The following ARHGAP22 variants were observed in gnomAD, a reference collection of about 807,000 sequenced individuals.
ARHGAP22 encodes rho GTPase-activating protein 22.
A neutral mutation model predicts 59.1 loss-of-function variants in ARHGAP22; 48 were observed. The observed-to-expected ratio is 0.81, with a 90% CI of 0.64 to 1.03. The LOEUF is 1.03. ARHGAP22 is among the 50% of genes least tolerant of loss of function. The pLI is 0.00. For missense variants in ARHGAP22, 1,015 were observed against 958.7 expected, an observed-to-expected ratio of 1.06 and a Z score of -0.78; for synonymous variants, 445 against 416.4, an observed-to-expected ratio of 1.07 and a Z score of -0.84.
intron 9 of ARHGAP22, among the ~76,000 whole-genome samples, chr10:48,447,477 C>G (rs943407000): frequency 2.0e-5 from 3 of 152,208 alleles, no homozygotes; most frequent in African/African-American, 4.8e-5. Context: ...AGCACAGCAC[C>G]TGGTACGTGG....
Position 48,574,331 on chromosome 10 carries a change from T to C in ARHGAP22, c.234+8622A>G, listed in dbSNP as rs771752782. 2.6e-5 allele frequency among the ~76,000 whole-genome samples: 4 copies of C among 152,154 alleles called. No individual in the cohort carries two copies. In the South Asian group the frequency reaches 6.2e-4, roughly 24 times the overall value. On this transcript the variant is annotated intron_variant, in intron 2 of 9. Coordinates refer to ENST00000249601, the MANE Select transcript of ARHGAP22 (RefSeq NM_021226.4). Reference sequence around the variant, plus strand: ...CCGCTAGGTGATAGGAAAAGAGAAATAATAAGACAGATTGAAGCCCCACCT... The same window carrying C: ...CCGCTAGGTGATAGGAAAAGAGAAACAATAAGACAGATTGAAGCCCCACCT...
rs1565054069 is a variant in ARHGAP22, at chr10:48,646,505, T to C, written c.52+5729A>G. Among the ~76,000 whole-genome samples, 3 of 152,206 alleles carry C rather than the reference T, an allele frequency of 2.0e-5. No individual in the cohort carries two copies. The South Asian group carries it at 6.2e-4, about 32-fold the overall frequency. On this transcript the variant is annotated intron_variant, in intron 1 of 9. Transcript: ENST00000435790. The stretch of plus-strand genomic sequence containing the variant: ...GGTCTACAGGTCAATAGAATATAAT[T>C]GAGAATCCAGAAGTAAACCCCAATA...
At chr10:48,441,494 C>G (rs1437192512), downstream of ARHGAP22, among the ~76,000 whole-genome samples, 5 of 151,168 alleles carry the variant, frequency 3.3e-5, no homozygotes, top group Non-Finnish European at 7.4e-5. Context: ...CTCTGTCACC[C>G]AGGCTGGAGT....
intron 1 of ARHGAP22, chr10:48,624,847 T>C (rs1252664868): frequency 6.6e-6 from 1 of 152,236 alleles, no homozygotes; most frequent in Non-Finnish European, 1.5e-5. Context: ...ACAACAGTTA[T>C]AGCTTCTCTG....
At chr10:48,561,551 A>G (rs1429344358) in intron 2 of ARHGAP22, among the ~76,000 whole-genome samples, 1 of 152,234 alleles carries the variant, frequency 6.6e-6, no homozygotes. Context: ...GTGAAAAGAC[A>G]AATTACATAC....
At chr10:48,609,481 C>G (rs539313970), upstream of ARHGAP22, among the ~76,000 whole-genome samples, 1 of 152,312 alleles carries the variant, frequency 6.6e-6, no homozygotes, top group East Asian at 1.9e-4. Context: ...TCCCTGCAGT[C>G]TGGGGCTCTG....
intron 3 of ARHGAP22, among the ~76,000 whole-genome samples, chr10:48,517,633 C>A (rs11101362): frequency 0.19 from 28,679 of 151,958 alleles, 2,918 homozygotes; most frequent in Non-Finnish European, 0.24. Context: ...GCCATGAGAG[C>A]CAACCCCCTA....
At chr10:48,555,442 C>G (rs763174832) in intron 3 of ARHGAP22, 21 bp downstream of exon 3, 1 of 1,611,436 alleles carries the variant, frequency 6.2e-7, no homozygotes, top group Non-Finnish European at 8.5e-7. Context: ...GGCTGCAGAG[C>G]TGGAAGGTGC....
At chr10:48,499,709 T>C (rs1406357456) in intron 3 of ARHGAP22, among the ~76,000 whole-genome samples, 1 of 152,210 alleles carries the variant, frequency 6.6e-6, no homozygotes, top group Non-Finnish European at 1.5e-5. Context: ...TTTATATGTG[T>C]GGAAGTTCTA....
At chr10:48,507,946 T>G (rs10400143) in intron 3 of ARHGAP22, among the ~76,000 whole-genome samples, 22,562 of 147,506 alleles carry the variant, frequency 0.15, 2,056 homozygotes, top group Middle Eastern at 0.2. Flanking sequence ...GATCTGAACA[T>G]AGAAATGCCA....
At chr10:48,582,021 C>T (rs998189287) in intron 2 of ARHGAP22, among the ~76,000 whole-genome samples, 5 of 152,196 alleles carry the variant, frequency 3.3e-5, no homozygotes, top group Admixed American at 1.3e-4. Flanking sequence ...TCATCCTTGA[C>T]ATGCTTAGAA....
rs577662950 is a variant in ARHGAP22, at chr10:48,530,195, C to A, written c.322+25268G>T. Among the ~76,000 whole-genome samples, 3 of 138,562 alleles carry A rather than the reference C, an allele frequency of 2.2e-5. No homozygotes were observed. In the South Asian group the frequency reaches 7.2e-4, roughly 33 times the overall value. 90.9% of individuals were successfully genotyped at this position (138,562 alleles called of 152,430 possible). ...GAGGTTTCAGTGAGCCAAGATTGCA[C>A]CACTGCACTCCAACCTGGGAGGCAG... On this transcript the variant is annotated intron_variant, in intron 3 of 9. Transcript: ENST00000249601.
chr10:48,520,590 G>C (rs1432592078), intron 3 of ARHGAP22, among the ~76,000 whole-genome samples: 1 of 152,208 alleles, frequency 6.6e-6, no homozygotes, highest in Non-Finnish European at 1.5e-5. Context: ...AGGGCTTATG[G>C]AGCATAGACA....
chr10:48,557,723 A>C (rs1274339405), intron 2 of ARHGAP22, among the ~76,000 whole-genome samples: 3 of 152,192 alleles, frequency 2.0e-5, no homozygotes, highest in African/African-American at 4.8e-5. Context: ...TCTGCTGCTC[A>C]CTTCTCAGGG....
the ARHGAP22 span, chr10:48,431,135 C>G: frequency 1.9e-6 from 2 of 1,047,976 alleles, no homozygotes; most frequent in East Asian, 2.4e-5. Flanking sequence ...ACCATACATG[C>G]GTTGTGAGAT....
At chr10:48,654,300 A>G (rs2062671717), upstream of ARHGAP22, among the ~76,000 whole-genome samples, 1 of 152,218 alleles carries the variant, frequency 6.6e-6, no homozygotes, top group Admixed American at 6.5e-5. Flanking sequence ...TTCAGGAACT[A>G]ATACTCTTTC....
At chr10:48,588,927 C>T (rs759079092) in intron 1 of ARHGAP22, among the ~76,000 whole-genome samples, 13 of 152,170 alleles carry the variant, frequency 8.5e-5, no homozygotes, top group East Asian at 1.9e-4. Context: ...GGCCAGGCCT[C>T]GAAGGATACT....
At position 48,566,679 on chromosome 10, in the gene ARHGAP22, C is replaced by T. The variant is rs1048301702; in HGVS notation, c.235-11129G>A. Among the ~76,000 whole-genome samples the T allele has an allele frequency of 2.0e-5, 3 of 152,308 alleles. No homozygotes were observed. In the South Asian group the frequency reaches 6.2e-4, roughly 32 times the overall value. The stretch of plus-strand genomic sequence containing the variant: ...AGTCAGCAGATCGGACCTGGGAACG[C>T]CCTGCTTCTTCACTGTGTCATGAGG... On this transcript the variant is annotated intron_variant, in intron 2 of 9. Coordinates refer to ENST00000249601, the MANE Select transcript of ARHGAP22 (RefSeq NM_021226.4).
intron 1 of ARHGAP22, among the ~76,000 whole-genome samples, chr10:48,596,882 C>G (rs2060098190): frequency 6.6e-6 from 1 of 152,100 alleles, no homozygotes; most frequent in Non-Finnish European, 1.5e-5. Flanking sequence ...CCAGCTTCCT[C>G]CCTCTCACAC....
Sources: allele counts gnomAD v4.1 joint callset (sites outside exome capture counted in the v4.1 genomes callset), GRCh38; gene constraint gnomAD v4.1.1; transcripts MANE v1.5; gene names NCBI Gene and HGNC (gene_info 2026-07-23, HGNC 2026-07-21).